Variants in CSMD2 observed in about 807,000 individuals in gnomAD.
CSMD2 encodes the protein CUB and sushi domain-containing protein 2.
A neutral mutation model predicts 398.5 loss-of-function variants in CSMD2; 130 were observed. The observed-to-expected ratio is 0.33, with a 90% CI of 0.28 to 0.38. The LOEUF is 0.38. CSMD2 is among the 10% of genes least tolerant of loss of function. The probability of loss-of-function intolerance (pLI) is 1.00; values close to 1 mark genes in which losing one functional copy is unlikely to be tolerated. For synonymous variants in CSMD2, 1,828 were observed against 1,908.5 expected (o/e 0.96, Z 1.10); for missense variants, 3,829 against 4,764.9 (o/e 0.80, Z 5.78).
intron 5 of CSMD2, among the ~76,000 whole-genome samples, chr1:33,876,944 C>T (rs1382818541): frequency 6.6e-6 from 1 of 152,186 alleles, no homozygotes; most frequent in Non-Finnish European, 1.5e-5. Flanking sequence ...CAGGTTGCTG[C>T]AGTCTATAGA....
chr1:33,588,258 G>A (rs1458993102), intron 44 of CSMD2, among the ~76,000 whole-genome samples: 2 of 152,012 alleles, frequency 1.3e-5, no homozygotes, highest in African/African-American at 4.8e-5. Flanking sequence ...AACTTCATAG[G>A]ATTTAATCAT....
intron 37 of CSMD2, among the ~76,000 whole-genome samples, 192 bp downstream of exon 37, chr1:33,621,975 C>A (rs146379128): frequency 6.6e-6 from 1 of 152,206 alleles, no homozygotes; most frequent in South Asian, 2.1e-4. Flanking sequence ...GAGTAACAGA[C>A]ACTTGGACGA....
intron 1 of CSMD2, among the ~76,000 whole-genome samples, chr1:34,156,278 G>C (rs191484793): frequency 1.3e-5 from 2 of 152,332 alleles, no homozygotes; most frequent in East Asian, 3.9e-4. Flanking sequence ...AGCAATGAAG[G>C]TTGGTAGGTA....
intron 10 of CSMD2, among the ~76,000 whole-genome samples, chr1:33,796,871 G>A (rs1047824452): frequency 6.6e-6 from 1 of 152,108 alleles, no homozygotes; most frequent in Non-Finnish European, 1.5e-5. Context: ...CATTCCTGGG[G>A]GGAGGTCTAT....
At chr1:33,917,308 C>G (rs538637040) in intron 5 of CSMD2, among the ~76,000 whole-genome samples, 2 of 152,308 alleles carry the variant, frequency 1.3e-5, no homozygotes, top group South Asian at 4.1e-4. Flanking sequence ...CTTCTATTGG[C>G]TCCTCATGTG....
intron 3 of CSMD2, among the ~76,000 whole-genome samples, chr1:34,017,467 C>T (rs923023489): frequency 6.6e-6 from 1 of 152,190 alleles, no homozygotes; most frequent in African/African-American, 2.4e-5. Context: ...CCCTCAAAAA[C>T]ATCTTGTGGC....
At chr1:33,517,094 C>T (rs926937219) in intron 70 of CSMD2, among the ~76,000 whole-genome samples, 11 of 152,054 alleles carry the variant, frequency 7.2e-5, no homozygotes, top group Non-Finnish European at 2.9e-5. Flanking sequence ...GCACAGGCCT[C>T]GTTGCTTCCT....
chr1:34,133,825 C>T (rs1638411177), intron 1 of CSMD2, among the ~76,000 whole-genome samples: 1 of 152,008 alleles, frequency 6.6e-6, no homozygotes. Context: ...AATCCCAGCA[C>T]TTTGGGAGGC....
chr1:33,621,926 C>G (rs560989148), intron 37 of CSMD2, among the ~76,000 whole-genome samples: 1 of 152,344 alleles, frequency 6.6e-6, no homozygotes, highest in Admixed American at 6.5e-5. Flanking sequence ...GTCCCCTTCC[C>G]ATTCCTGGTG....
chr1:33,839,300 T>C (rs925674776), intron 6 of CSMD2: 1 of 152,224 alleles, frequency 6.6e-6, no homozygotes, highest in Non-Finnish European at 1.5e-5. Flanking sequence ...TTGCTGAAGA[T>C]GCTCTCAGTA....
intron 3 of CSMD2, among the ~76,000 whole-genome samples, chr1:34,003,390 T>C (rs1646960149): frequency 1.3e-5 from 2 of 152,182 alleles, no homozygotes; most frequent in African/African-American, 4.8e-5. Flanking sequence ...TGCGCCTTTC[T>C]GTCATTGCTT....
At chr1:33,685,226 G>A (rs1012317850) in intron 25 of CSMD2, among the ~76,000 whole-genome samples, 1 of 152,224 alleles carries the variant, frequency 6.6e-6, no homozygotes, top group Non-Finnish European at 1.5e-5. Flanking sequence ...AGACCAAGAA[G>A]GAAGGTTATG....
intron 6 of CSMD2, among the ~76,000 whole-genome samples, chr1:33,835,619 A>G (rs1390447311): frequency 7.4e-6 from 1 of 134,538 alleles, no homozygotes; most frequent in African/African-American, 3.0e-5. Flanking sequence ...AACCTGCACA[A>G]TGTGTACATG....
chr1:34,102,605 C>T (rs1439713385), intron 1 of CSMD2, among the ~76,000 whole-genome samples: 1 of 79,248 alleles, frequency 1.3e-5, no homozygotes, highest in Non-Finnish European at 3.2e-5. Context: ...CCGGCCATAT[C>T]CCTGTGATCC....
chr1:33,555,538 G>A (rs557108159), intron 55 of CSMD2, among the ~76,000 whole-genome samples: 4 of 152,138 alleles, frequency 2.6e-5, no homozygotes, highest in African/African-American at 7.2e-5. Flanking sequence ...AGCAGCATAC[G>A]CTACAGAGAA....
In CSMD2 at chr1:33,846,937, T is replaced by C. The variant is rs1464402990; in HGVS notation, c.980A>G (p.His327Arg). The C allele has an allele frequency of 2.5e-6, 4 of 1,610,590 alleles. No individual in the cohort carries two copies. The South Asian group carries it at 3.3e-5, about 13-fold the overall frequency. ...CCGGTGGTTGCCATCCGATGTGAAG[T>C]GCAGTCGCAGCCAGTTCTTGCTGCT... ...VISSKNWLRL[H>R]FTSDGNHRQR... The change falls in exon 6 of 71, where the codon CAC becomes CGC. Residue 327 changes from histidine to arginine, a missense_variant. Around this residue, in one of 5 missense-constraint regions of CSMD2, gnomAD observed 2,001 missense variants for 2,567.1 expected, o/e 0.78. Coordinates refer to ENST00000373381, the MANE Select transcript of CSMD2 (RefSeq NM_001281956.2).
intron 5 of CSMD2, among the ~76,000 whole-genome samples, chr1:33,892,418 C>T (rs191623746): frequency 6.6e-6 from 1 of 152,272 alleles, no homozygotes; most frequent in East Asian, 1.9e-4. Flanking sequence ...GTCCACCCAT[C>T]ACCTGAGCAG....
intron 9 of CSMD2, among the ~76,000 whole-genome samples, chr1:33,817,635 C>G (rs896385729): frequency 1.1e-4 from 16 of 152,226 alleles, no homozygotes; most frequent in Non-Finnish European, 1.5e-5. Context: ...CAGTGCCCAG[C>G]AGGTTAAGCT....
In CSMD2 at chr1:34,165,104, G is replaced by A; in HGVS notation, c.-7C>T. The A allele has an allele frequency of 8.2e-7, 1 of 1,214,054 alleles. No homozygotes were observed. The highest frequency in any genetic ancestry group is 1.0e-6 in the Non-Finnish European group (1 of 976,392). 75.2% of individuals were successfully genotyped at this position (1,214,054 alleles called of 1,614,324 possible). A position where few individuals can be genotyped will look rare whatever the true frequency, so the allele number is the denominator to read the frequency against. ...GTCCCCGCGAGCGCGGCATGGCGCG[G>A]CCGGCAGCGCCGAGGGAGAGGCTCC... On this transcript the variant is annotated 5_prime_UTR_variant, in exon 1 of 71. Coordinates refer to ENST00000373381, the MANE Select transcript of CSMD2 (RefSeq NM_001281956.2).
Sources: gnomAD v4.1 joint callset for allele counts (sites outside exome capture counted in the v4.1 genomes callset) on GRCh38, gnomAD v4.1.1 for gene constraint, gnomAD v4.1.1 regional missense constraint, MANE v1.5 for transcripts, NCBI Gene and HGNC (gene_info 2026-07-23, HGNC 2026-07-21) for gene names.